Variants in SLC38A6 observed in about 807,000 individuals in gnomAD.
The protein encoded by SLC38A6 is solute carrier family 38 member 6, also known as N system amino acid transporter NAT-1.
In SLC38A6, 73 loss-of-function variants were observed where a neutral mutation model predicts 65.0. The observed-to-expected ratio is 1.12, with a 90% CI of 0.93 to 1.37. The LOEUF (loss-of-function observed/expected upper bound fraction) is 1.37, where lower values mean the gene tolerates loss of function less well. Among genes scored for constraint, SLC38A6 ranks in the 40% most tolerant of loss-of-function variants. The probability of loss-of-function intolerance (pLI) is 0.00; values close to 1 mark genes in which losing one functional copy is unlikely to be tolerated. For missense variants in SLC38A6, 561 were observed against 531.1 expected (o/e 1.06, Z -0.55); for synonymous variants, 183 against 178.8 (o/e 1.02, Z -0.19).
chr14:61,037,083 A>G lies in SLC38A6; in HGVS notation c.507A>G (p.Thr169=), dbSNP rs767510539. 2.5e-6 allele frequency: 4 copies of G among 1,611,998 alleles called. No homozygotes were observed. The highest frequency in any genetic ancestry group is 2.2e-5 in the South Asian group (2 of 90,896). The part of the protein sequence containing the change: ...YSRYWYLDGQ[T]LLIIICVGIV... Reference sequence around the variant, plus strand: ...GATATTGGTATCTTGATGGACAAACACTACTAATAATCATATGTGTTGGCA... The same window carrying G: ...GATATTGGTATCTTGATGGACAAACGCTACTAATAATCATATGTGTTGGCA... Residue 169 remains threonine, a synonymous_variant, in exon 7 of 16, where the codon ACA becomes ACG. Coordinates refer to ENST00000267488, the MANE Select transcript of SLC38A6 (RefSeq NM_153811.3).
intron 8 of SLC38A6, among the ~76,000 whole-genome samples, chr14:61,041,055 A>G (rs1289033241): frequency 6.6e-6 from 1 of 152,234 alleles, no homozygotes; most frequent in Non-Finnish European, 1.5e-5. Context: ...TAGAGGAAAT[A>G]CAACTTGAGT....
intron 3 of SLC38A6, among the ~76,000 whole-genome samples, chr14:61,009,179 A>G (rs187999726): frequency 6.6e-6 from 1 of 152,316 alleles, no homozygotes; most frequent in African/African-American, 2.4e-5. Context: ...TAGTATTGAG[A>G]GCATTTAAGC....
intron 8 of SLC38A6, among the ~76,000 whole-genome samples, chr14:61,041,374 A>G (rs1211074160): frequency 1.3e-5 from 2 of 152,208 alleles, no homozygotes; most frequent in African/African-American, 2.4e-5. Flanking sequence ...TGAACTGTCT[A>G]TTAATATAAA....
intron 2 of SLC38A6, among the ~76,000 whole-genome samples, chr14:60,983,956 C>A (rs1343864122): frequency 6.6e-6 from 1 of 151,768 alleles, no homozygotes; most frequent in African/African-American, 2.4e-5. Flanking sequence ...TGTACTTTTA[C>A]CTCTCAATTT....
chr14:60,981,818 CT>C, intron 1 of SLC38A6: 1 of 999,534 alleles, frequency 1.0e-6, no homozygotes, highest in Non-Finnish European at 1.4e-6. Flanking sequence ...TACAGAAATT[CT>C]TAGCGGTAGA....
At chr14:60,982,337 G>A in intron 1 of SLC38A6, 171 bp from the exon 2 acceptor site, 2 of 755,090 alleles carry the variant, frequency 2.6e-6, no homozygotes, top group Non-Finnish European at 4.6e-6. Context: ...TGCAGTAGTG[G>A]GAGGTGGGAA....
At chr14:61,009,351 T>A (rs535420812) in intron 3 of SLC38A6, among the ~76,000 whole-genome samples, 2 of 152,222 alleles carry the variant, frequency 1.3e-5, no homozygotes, top group Admixed American at 1.3e-4. Context: ...TACCTTATAT[T>A]GATTAGAAAC....
At chr14:61,036,374 G>C (rs965401440) in intron 6 of SLC38A6, among the ~76,000 whole-genome samples, 1 of 148,128 alleles carries the variant, frequency 6.8e-6, no homozygotes, top group Non-Finnish European at 1.5e-5. Flanking sequence ...GTTCTCACTC[G>C]TAAGTGAGAG....
chr14:61,082,108 A>G (rs2043678880), intron 16 of SLC38A6, among the ~76,000 whole-genome samples: 1 of 152,064 alleles, frequency 6.6e-6, no homozygotes, highest in South Asian at 2.1e-4. Flanking sequence ...CACACTTCCT[A>G]ACACAGTGTC....
intron 5 of SLC38A6, among the ~76,000 whole-genome samples, chr14:61,022,037 G>T (rs532242764): frequency 6.6e-6 from 1 of 151,986 alleles, no homozygotes; most frequent in Non-Finnish European, 1.5e-5. Flanking sequence ...ATTGTTGGAC[G>T]GTAGAGTGGG....
chr14:61,031,222 GA>G (rs1279101492), intron 6 of SLC38A6, among the ~76,000 whole-genome samples: 2 of 152,044 alleles, frequency 1.3e-5, no homozygotes, highest in Non-Finnish European at 2.9e-5. Context: ...AAAGGAACTT[GA>G]AAAGACAGAA....
intron 3 of SLC38A6, among the ~76,000 whole-genome samples, chr14:61,012,703 T>G (rs530648512): frequency 1.3e-5 from 2 of 152,322 alleles, no homozygotes; most frequent in Admixed American, 6.5e-5. Context: ...GTTGAGTTAG[T>G]TTCTTAATCC....
intron 2 of SLC38A6, among the ~76,000 whole-genome samples, chr14:60,983,710 A>G (rs1397342211): frequency 6.6e-6 from 1 of 152,192 alleles, no homozygotes; most frequent in African/African-American, 2.4e-5. Context: ...TTATTATGGA[A>G]TGTACTCACA....
intron 2 of SLC38A6, among the ~76,000 whole-genome samples, chr14:60,983,158 A>G (rs918433166): frequency 6.6e-6 from 1 of 152,166 alleles, no homozygotes; most frequent in Non-Finnish European, 1.5e-5. Flanking sequence ...CTGTGCTTTC[A>G]TAGTACTTTG....
intron 3 of SLC38A6, among the ~76,000 whole-genome samples, chr14:60,990,294 G>A (rs1441658537): frequency 6.6e-6 from 1 of 152,184 alleles, no homozygotes; most frequent in East Asian, 1.9e-4. Context: ...TCCTCCCAAA[G>A]TGCTGGGATT....
At chr14:61,069,518 T>C (rs140785986) in intron 15 of SLC38A6, among the ~76,000 whole-genome samples, 104 of 152,260 alleles carry the variant, frequency 6.8e-4, no homozygotes, top group African/African-American at 2.4e-3. Context: ...TACCCTCTTC[T>C]ATATTGTTAC....
chr14:61,030,457 ATCTTT>A lies in SLC38A6; in HGVS notation c.418_422del (p.Leu140AsnfsTer3). The A allele has an allele frequency of 6.2e-7, 1 of 1,609,026 alleles. No individual in the cohort carries two copies. Among genetic ancestry groups the A allele is most frequent in the Non-Finnish European group, 8.5e-7 (1 of 1,177,422 alleles). Reference sequence around the variant, plus strand: ...TATTCTTTTGCAGCTATGTCATCTTATCTTTTAATTATTAAAACAGAGCTTCCTGC... The same window carrying A: ...TATTCTTTTGCAGCTATGTCATCTTATAATTATTAAAACAGAGCTTCCTGC... On this transcript the variant is annotated frameshift_variant, in exon 6 of 16. Transcript: ENST00000267488. LOFTEE classifies it high-confidence loss of function.
chr14:60,992,646 A>G (rs566212810), intron 3 of SLC38A6, among the ~76,000 whole-genome samples: 2 of 152,268 alleles, frequency 1.3e-5, no homozygotes, highest in Admixed American at 6.5e-5. Context: ...GGTGGGAAAT[A>G]TAATAATGTT....
intron 6 of SLC38A6, among the ~76,000 whole-genome samples, chr14:61,033,279 A>G (rs1594670605): frequency 6.6e-6 from 1 of 152,030 alleles, no homozygotes; most frequent in African/African-American, 2.4e-5. Context: ...TCTGGTTTTC[A>G]TTAAAATATG....
Sources: gnomAD v4.1 joint callset for allele counts (sites outside exome capture counted in the v4.1 genomes callset) on GRCh38, gnomAD v4.1.1 for gene constraint, MANE v1.5 for transcripts, NCBI Gene and HGNC (gene_info 2026-07-23, HGNC 2026-07-21) for gene names.